FAM3D: variants seen among roughly 807,000 people sequenced by gnomAD.
FAM3D encodes the protein FAM3 metabolism regulating signaling molecule D.
A neutral mutation model predicts 29.8 loss-of-function variants in FAM3D; 26 were observed. That is an observed-to-expected ratio of 0.87 (90% CI 0.64 to 1.21). The LOEUF (loss-of-function observed/expected upper bound fraction) is 1.21, where lower values mean the gene tolerates loss of function less well. FAM3D is among the 50% of genes most tolerant of loss of function. The pLI, the probability that FAM3D is intolerant of heterozygous loss-of-function variation, is 0.00. For missense variants in FAM3D, 253 were observed against 290.9 expected, an observed-to-expected ratio of 0.87 and a Z score of 0.95; for synonymous variants, 115 against 102.3, an observed-to-expected ratio of 1.12 and a Z score of -0.75.
chr3:58,653,557 C>T, intron 3 of FAM3D, 117 bp downstream of exon 3: 1 of 1,001,156 alleles, frequency 1.0e-6, no homozygotes, highest in Non-Finnish European at 1.5e-6. Flanking sequence ...TGCTGGGGTC[C>T]CAAAGGCAGC....
chr3:58,637,878 G>GATTATTTATT (rs1553633270), intron 7 of FAM3D, among the ~76,000 whole-genome samples: 7 of 148,682 alleles, frequency 4.7e-5, no homozygotes, highest in African/African-American at 1.7e-4. Context: ...TTTCCCTTGT[G>GATTATTTATT]ATTATTATTA....
rs544417112 is a variant in FAM3D at position 58,640,700 on chromosome 3, T to C, written c.323-523A>G. On this transcript the variant is annotated intron_variant, in intron 6 of 9. Coordinates refer to ENST00000358781, the MANE Select transcript of FAM3D (RefSeq NM_138805.3). ...CTCAGTTTCCCAGGGTCCAGTAACC[T>C]GGATTGCGTTTGTGGGTTTTGTGGG... Among the ~76,000 whole-genome samples the C allele has an allele frequency of 7.9e-5, 12 of 152,378 alleles. No individual in the cohort carries two copies. In the East Asian group the frequency reaches 1.5e-3, roughly 20 times the overall value.
intron 5 of FAM3D, 110 bp from the exon 6 acceptor site, chr3:58,643,830 T>G: frequency 7.4e-6 from 7 of 946,860 alleles, no homozygotes; most frequent in Non-Finnish European, 1.0e-5. Flanking sequence ...TGCAGAAGCA[T>G]TGGGAAACAC....
chr3:58,656,653 TC>T (rs1221073044), intron 1 of FAM3D, among the ~76,000 whole-genome samples: 1 of 152,156 alleles, frequency 6.6e-6, no homozygotes, highest in Non-Finnish European at 1.5e-5. Flanking sequence ...GGTAACCTTC[TC>T]TGACTGTGAT....
At chr3:58,665,385 T>G (rs1173658949) in intron 1 of FAM3D, among the ~76,000 whole-genome samples, 2 of 152,022 alleles carry the variant, frequency 1.3e-5, no homozygotes, top group Non-Finnish European at 2.9e-5. Flanking sequence ...TTTCCTCCCC[T>G]GCCCTTCACT....
chr3:58,636,911 A>G (rs1374007217), intron 8 of FAM3D, among the ~76,000 whole-genome samples: 1 of 152,148 alleles, frequency 6.6e-6, no homozygotes, highest in Non-Finnish European at 1.5e-5. Context: ...TAGTTTCTGT[A>G]GCCAGTCAGC....
At chr3:58,641,369 CTT>C (rs879476790) in intron 6 of FAM3D, among the ~76,000 whole-genome samples, 1 of 144,786 alleles carries the variant, frequency 6.9e-6, no homozygotes, top group Non-Finnish European at 1.5e-5. Context: ...TGCTTAACCT[CTT>C]TTTTTTTTTT....
At chr3:58,637,047 T>A (rs932091532) in intron 8 of FAM3D, 94 bp downstream of exon 8, 3 of 1,070,208 alleles carry the variant, frequency 2.8e-6, no homozygotes, top group African/African-American at 1.6e-5. Context: ...TGCCAGAAAA[T>A]GGATCTGGCA....
At chr3:58,641,901 C>T (rs892424114) in intron 6 of FAM3D, among the ~76,000 whole-genome samples, 4 of 152,190 alleles carry the variant, frequency 2.6e-5, no homozygotes, top group Admixed American at 6.5e-5. Context: ...TTCTCAGGTG[C>T]GACCCATTTA....
intron 3 of FAM3D, among the ~76,000 whole-genome samples, chr3:58,651,833 TG>T (rs1239308836): frequency 1.2e-3 from 9 of 7,550 alleles, no homozygotes; most frequent in Non-Finnish European, 2.1e-3. Flanking sequence ...TGGGTGGGGG[TG>T]GGGGGCGCGG....
At chr3:58,645,356 A>G (rs1234904314) in intron 5 of FAM3D, among the ~76,000 whole-genome samples, 153 bp downstream of exon 5, 3 of 152,166 alleles carry the variant, frequency 2.0e-5, no homozygotes, top group Non-Finnish European at 4.4e-5. Flanking sequence ...AGCTGTTTCA[A>G]TTATTGTTAT....
At chr3:58,641,540 A>G (rs1157693959) in intron 6 of FAM3D, among the ~76,000 whole-genome samples, 1 of 151,980 alleles carries the variant, frequency 6.6e-6, no homozygotes, top group Non-Finnish European at 1.5e-5. Flanking sequence ...CTTTTTGTAG[A>G]GACGGGGCGG....
chr3:58,649,230 C>A, intron 4 of FAM3D, 85 bp downstream of exon 4: 2 of 1,520,180 alleles, frequency 1.3e-6, no homozygotes, highest in South Asian at 2.5e-5. Context: ...GAGCAGGGGC[C>A]CTGGGCCTTG....
intron 2 of FAM3D, among the ~76,000 whole-genome samples, chr3:58,654,338 G>C (rs1011258981): frequency 5.3e-5 from 8 of 152,332 alleles, no homozygotes; most frequent in Non-Finnish European, 1.0e-4. Context: ...GTTGTCAAAA[G>C]TAGGCAGCCT....
At chr3:58,656,079 CCCTT>C (rs1221918213) in intron 1 of FAM3D, among the ~76,000 whole-genome samples, 21 of 152,140 alleles carry the variant, frequency 1.4e-4, no homozygotes, top group African/African-American at 3.9e-4. Context: ...AGCCCTCCTT[CCCTT>C]CCTTCCTTCC....
At chr3:58,640,661 T>G (rs897693424) in intron 6 of FAM3D, among the ~76,000 whole-genome samples, 1 of 152,260 alleles carries the variant, frequency 6.6e-6, no homozygotes, top group African/African-American at 2.4e-5. Context: ...GGATTTGTGT[T>G]GGGCTAAGCG....
intron 5 of FAM3D, 36 bp from the exon 6 acceptor site, chr3:58,643,756 C>T (rs2066400761): frequency 1.9e-6 from 3 of 1,605,406 alleles, no homozygotes; most frequent in Non-Finnish European, 2.6e-6. Context: ...ACAGTCGGTC[C>T]CGAGTGTGGA....
At chr3:58,649,601 C>T (rs1311389807) in intron 3 of FAM3D, among the ~76,000 whole-genome samples, 1 of 152,148 alleles carries the variant, frequency 6.6e-6, no homozygotes, top group African/African-American at 2.4e-5. Context: ...ATGTGACACT[C>T]ATGTATGCAT....
At chr3:58,637,652 G>A (rs2066213155) in intron 7 of FAM3D, among the ~76,000 whole-genome samples, 1 of 152,112 alleles carries the variant, frequency 6.6e-6, no homozygotes, top group Non-Finnish European at 1.5e-5. Context: ...GCTGACTTTA[G>A]GTGGTATAGC....
Sources: allele counts gnomAD v4.1 joint callset (sites outside exome capture counted in the v4.1 genomes callset), GRCh38; gene constraint gnomAD v4.1.1; transcripts MANE v1.5; gene names NCBI Gene and HGNC (gene_info 2026-07-23, HGNC 2026-07-21).